The following BNC2 variants were observed in gnomAD, a reference collection of about 807,000 sequenced individuals.
BNC2 encodes zinc finger protein basonuclin-2.
BNC2 carries 20 observed loss-of-function variants against 76.3 expected under a neutral mutation model. That is an observed-to-expected ratio of 0.26 (90% confidence interval 0.18 to 0.38). The LOEUF (loss-of-function observed/expected upper bound fraction) is 0.38, where lower values mean the gene tolerates loss of function less well. Ranked by LOEUF, BNC2 falls within the 10% of genes least tolerant of loss-of-function variation. The probability of loss-of-function intolerance (pLI) is 1.00; values close to 1 mark genes in which losing one functional copy is unlikely to be tolerated. For missense variants in BNC2, 1,382 were observed against 1,399.8 expected (o/e 0.99, Z 0.20); for synonymous variants, 582 against 514.8 (o/e 1.13, Z -1.77).
intron 2 of BNC2, among the ~76,000 whole-genome samples, chr9:16,731,960 CA>C (rs767921962): frequency 6.6e-6 from 1 of 151,906 alleles, no homozygotes; most frequent in East Asian, 1.9e-4. Context: ...CAATTAGTTA[CA>C]AAAAATTTGC....
chr9:16,690,523 G>A (rs1287834845), intron 3 of BNC2, among the ~76,000 whole-genome samples: 2 of 152,172 alleles, frequency 1.3e-5, no homozygotes, highest in African/African-American at 4.8e-5. Flanking sequence ...CTGAGTGACA[G>A]AGTGAAACCC....
chr9:16,799,286 T>C (rs984637071), intron 1 of BNC2, among the ~76,000 whole-genome samples: 2 of 152,144 alleles, frequency 1.3e-5, no homozygotes, highest in Admixed American at 6.5e-5. Context: ...TTGTTTCCTT[T>C]TCTGCAGAAA....
At chr9:16,464,534 T>G (rs1389833507) in intron 5 of BNC2, among the ~76,000 whole-genome samples, 2 of 152,154 alleles carry the variant, frequency 1.3e-5, no homozygotes, top group East Asian at 3.8e-4. Flanking sequence ...GGGAGGGGCA[T>G]CTCTTTGCAG....
chr9:16,853,093 G>A (rs376233174), intron 1 of BNC2, among the ~76,000 whole-genome samples: 356 of 152,298 alleles, frequency 2.3e-3, no homozygotes, highest in African/African-American at 8.2e-3. Flanking sequence ...AGAGAGGCAA[G>A]CATAGAAGTA....
chr9:16,575,048 T>C (rs1475266371), intron 4 of BNC2, among the ~76,000 whole-genome samples: 2 of 152,194 alleles, frequency 1.3e-5, no homozygotes, highest in African/African-American at 4.8e-5. Flanking sequence ...ACTTATTAAG[T>C]GTATACTATG....
intron 5 of BNC2, among the ~76,000 whole-genome samples, chr9:16,499,222 T>C (rs1345281316): frequency 6.6e-6 from 1 of 152,110 alleles, no homozygotes; most frequent in Non-Finnish European, 1.5e-5. Context: ...CCAAGGTGGG[T>C]ATTACTATTC....
At chr9:16,728,457 T>G (rs1824414627) in intron 2 of BNC2, among the ~76,000 whole-genome samples, 2 of 152,166 alleles carry the variant, frequency 1.3e-5, no homozygotes, top group African/African-American at 4.8e-5. Context: ...CCCGGGAATT[T>G]TTCTCAACAA....
At chr9:16,488,720 T>C (rs1822214612) in intron 5 of BNC2, among the ~76,000 whole-genome samples, 1 of 152,178 alleles carries the variant, frequency 6.6e-6, no homozygotes, top group South Asian at 2.1e-4. Flanking sequence ...ATCCCGATCA[T>C]TCAGTTTGCC....
intron 3 of BNC2, among the ~76,000 whole-genome samples, chr9:16,631,693 A>AT (rs1747622575): frequency 6.6e-6 from 1 of 152,240 alleles, no homozygotes; most frequent in African/African-American, 2.4e-5. Flanking sequence ...TTGAACAAAT[A>AT]TAAGGAAAAG....
intron 1 of BNC2, among the ~76,000 whole-genome samples, chr9:16,797,332 G>A (rs1385104499): frequency 1.3e-5 from 2 of 152,160 alleles, no homozygotes; most frequent in African/African-American, 4.8e-5. Flanking sequence ...AAAGGATGAG[G>A]TTGGGGGCAC....
At chr9:16,823,420 G>A (rs556074065) in intron 1 of BNC2, among the ~76,000 whole-genome samples, 6 of 120,612 alleles carry the variant, frequency 5.0e-5, no homozygotes, top group African/African-American at 1.8e-4. Flanking sequence ...GTGAGATCCT[G>A]TCTCTACAAA....
In BNC2 at chr9:16,724,875, T is replaced by A. The variant is rs1336035476; in HGVS notation, c.330+2922A>T. On this transcript the variant is annotated intron_variant, in intron 3 of 6. Transcript: ENST00000380672. ...ATCTGTAACTCAGTTTTGAAACCTT[T>A]TATAGCAGCCCTACTAGTCAGAGTT... is the stretch of plus-strand genomic sequence containing the variant. 3.3e-5 allele frequency among the ~76,000 whole-genome samples: 5 copies of A among 152,248 alleles called. No homozygotes were observed. In the East Asian group the frequency reaches 9.6e-4, roughly 29 times the overall value.
chr9:16,580,125 A>C, intron 4 of BNC2: 1 of 398,576 alleles, frequency 2.5e-6, no homozygotes, highest in Non-Finnish European at 4.4e-6. Flanking sequence ...AGCAGAAGTC[A>C]TTGGAGACAC....
intron 2 of BNC2, among the ~76,000 whole-genome samples, chr9:16,730,423 G>C (rs531797527): frequency 3.3e-5 from 5 of 152,302 alleles, no homozygotes; most frequent in African/African-American, 1.2e-4. Context: ...ACCCTGCTGT[G>C]AACAATCTGT....
Position 16,583,101 on chromosome 9 carries a change from G to C in BNC2, c.331-16C>G. 6.3e-7 allele frequency: 1 copy of C among 1,598,000 alleles called. No homozygotes were observed. The highest frequency in any genetic ancestry group is 8.6e-7 in the Non-Finnish European group (1 of 1,166,646). Reference sequence around the variant, plus strand: ...AACGGATGGCCTGAAAAATAAAGGAGGAAAAAAAGGTCAGCATCTGTTCAA... The same window carrying C: ...AACGGATGGCCTGAAAAATAAAGGACGAAAAAAAGGTCAGCATCTGTTCAA... On this transcript the variant is annotated splice_polypyrimidine_tract_variant and intron_variant, in intron 3 of 6. Transcript: ENST00000380672.
chr9:16,616,928 G>C (rs976840703), intron 3 of BNC2, among the ~76,000 whole-genome samples: 27 of 152,130 alleles, frequency 1.8e-4, no homozygotes, highest in Admixed American at 6.5e-4. Flanking sequence ...TTCTGTCCTA[G>C]TTGCCACCAC....
At chr9:16,667,003 A>C (rs1439954763) in intron 3 of BNC2, among the ~76,000 whole-genome samples, 1 of 152,110 alleles carries the variant, frequency 6.6e-6, no homozygotes, top group Non-Finnish European at 1.5e-5. Flanking sequence ...AAACCAATAA[A>C]GAACACTGTA....
intron 3 of BNC2, among the ~76,000 whole-genome samples, chr9:16,657,625 T>A (rs1821967675): frequency 6.6e-6 from 1 of 152,172 alleles, no homozygotes; most frequent in Non-Finnish European, 1.5e-5. Context: ...GAAGGGAATG[T>A]GCTTGGACCA....
At chr9:16,732,085 G>A (rs554220182) in intron 2 of BNC2, among the ~76,000 whole-genome samples, 7 of 145,212 alleles carry the variant, frequency 4.8e-5, no homozygotes, top group South Asian at 4.3e-4. Flanking sequence ...TCCCACAACC[G>A]TTTAAAATGT....
Sources: allele counts gnomAD v4.1 joint callset (sites outside exome capture counted in the v4.1 genomes callset), GRCh38; gene constraint gnomAD v4.1.1; transcripts MANE v1.5; gene names NCBI Gene and HGNC (gene_info 2026-07-23, HGNC 2026-07-21).